C1orf21: variants seen among roughly 807,000 people sequenced by gnomAD.
The protein encoded by C1orf21 is uncharacterized protein C1orf21.
In C1orf21, 3 loss-of-function variants were observed where a neutral mutation model predicts 18.7. The ratio of observed to expected loss-of-function variants is 0.16; its 90% CI spans 0.07 to 0.42. The LOEUF is 0.42. C1orf21 is among the 10% of genes least tolerant of loss of function. C1orf21 has a pLI of 0.99. For missense variants in C1orf21, 104 were observed against 143.6 expected (o/e 0.72, Z 1.41); for synonymous variants, 41 against 46.4 (o/e 0.88, Z 0.47).
chr1:184,477,099 C>T (rs1657582847), intron 1 of C1orf21, among the ~76,000 whole-genome samples: 1 of 152,064 alleles, frequency 6.6e-6, no homozygotes, highest in Admixed American at 6.6e-5. Flanking sequence ...CAGTAGTGCC[C>T]AAATACGTAT....
intron 3 of C1orf21, among the ~76,000 whole-genome samples, chr1:184,558,252 TAA>T (rs1348438081): frequency 1.3e-5 from 2 of 152,188 alleles, no homozygotes; most frequent in Non-Finnish European, 2.9e-5. Flanking sequence ...AACTCACCAA[TAA>T]GCTTCTACCA....
At chr1:184,440,093 T>C (rs1390634716) in intron 1 of C1orf21, among the ~76,000 whole-genome samples, 1 of 152,162 alleles carries the variant, frequency 6.6e-6, no homozygotes, top group African/African-American at 2.4e-5. Flanking sequence ...TAAATGATGG[T>C]TGGGAAAGGG....
At chr1:184,548,765 A>G (rs1658768879) in intron 3 of C1orf21, among the ~76,000 whole-genome samples, 1 of 152,172 alleles carries the variant, frequency 6.6e-6, no homozygotes, top group African/African-American at 2.4e-5. Flanking sequence ...ATGACACCCT[A>G]ATTGTGAATG....
At chr1:184,567,196 G>A in intron 3 of C1orf21, 1 of 471,908 alleles carries the variant, frequency 2.1e-6, no homozygotes, top group Non-Finnish European at 4.3e-6. Context: ...ATAGCCTAAG[G>A]CACACAATGG....
intron 1 of C1orf21, among the ~76,000 whole-genome samples, chr1:184,426,706 T>C (rs1656643130): frequency 6.6e-6 from 1 of 152,196 alleles, no homozygotes; most frequent in African/African-American, 2.4e-5. Flanking sequence ...TTCTGAATGC[T>C]GATAATTATT....
chr1:184,406,630 A>G (rs917896726), intron 1 of C1orf21, among the ~76,000 whole-genome samples: 1 of 152,208 alleles, frequency 6.6e-6, no homozygotes, highest in Admixed American at 6.5e-5. Flanking sequence ...AGGGCTATTC[A>G]GGAAGGACTG....
chr1:184,497,012 A>C (rs1390672960), intron 2 of C1orf21, among the ~76,000 whole-genome samples: 1 of 152,178 alleles, frequency 6.6e-6, no homozygotes, highest in Non-Finnish European at 1.5e-5. Context: ...CATCAGCTCT[A>C]TGTCCTCAGG....
intron 3 of C1orf21, among the ~76,000 whole-genome samples, chr1:184,514,801 A>T (rs1225740586): frequency 6.6e-6 from 1 of 152,256 alleles, no homozygotes; most frequent in Non-Finnish European, 1.5e-5. Context: ...AATGAGTTAG[A>T]ATTCTATGAG....
intron 1 of C1orf21, among the ~76,000 whole-genome samples, chr1:184,429,652 C>T (rs576879491): frequency 1.3e-5 from 2 of 152,106 alleles, no homozygotes; most frequent in South Asian, 2.1e-4. Context: ...TGAAATGTTC[C>T]AGCAGCTTAG....
intron 3 of C1orf21, among the ~76,000 whole-genome samples, chr1:184,556,921 T>C (rs1658887225): frequency 6.6e-6 from 1 of 152,224 alleles, no homozygotes; most frequent in Admixed American, 6.5e-5. Flanking sequence ...ATCACAAGAC[T>C]TAACTAACCT....
intron 1 of C1orf21, among the ~76,000 whole-genome samples, chr1:184,428,021 C>A (rs1656669032): frequency 1.3e-5 from 2 of 152,150 alleles, no homozygotes; most frequent in Non-Finnish European, 2.9e-5. Context: ...AGCTGTACAA[C>A]CTTGGGCAAG....
At chr1:184,556,264 G>C (rs777793843) in intron 3 of C1orf21, among the ~76,000 whole-genome samples, 5 of 152,190 alleles carry the variant, frequency 3.3e-5, no homozygotes, top group Non-Finnish European at 7.3e-5. Flanking sequence ...TTTTAGAAAA[G>C]GAACCTGCAG....
At chr1:184,416,378 G>A (rs528836838) in intron 1 of C1orf21, among the ~76,000 whole-genome samples, 1 of 152,050 alleles carries the variant, frequency 6.6e-6, no homozygotes, top group Non-Finnish European at 1.5e-5. Flanking sequence ...AATGTTAGAA[G>A]GCAGTTGACA....
Position 184,588,413 on chromosome 1 carries a change from G to C in C1orf21, c.190-2326G>C, listed in dbSNP as rs190623218. On this transcript the variant is annotated intron_variant, in intron 3 of 5. Transcript: ENST00000235307. ...GTACAATGAAATGTGTCAAAATTTG[G>C]AGATTATAGGTAAAAGGGTCTTGAC... 5.9e-5 allele frequency among the ~76,000 whole-genome samples: 9 copies of C among 152,276 alleles called. No individual in the cohort carries two copies. In the East Asian group the frequency reaches 1.7e-3, roughly 29 times the overall value.
At chr1:184,523,142 A>C (rs183549128) in intron 3 of C1orf21, among the ~76,000 whole-genome samples, 1 of 152,358 alleles carries the variant, frequency 6.6e-6, no homozygotes, top group Admixed American at 6.5e-5. Context: ...AGGAGGTGGA[A>C]CATTACTTCT....
At chr1:184,496,890 T>C (rs1307360387) in intron 2 of C1orf21, among the ~76,000 whole-genome samples, 5 of 152,238 alleles carry the variant, frequency 3.3e-5, no homozygotes, top group Admixed American at 6.5e-5. Flanking sequence ...TGCACATCTT[T>C]TTTGAGAAAG....
intron 1 of C1orf21, among the ~76,000 whole-genome samples, chr1:184,390,683 C>A (rs996533416): frequency 7.2e-5 from 11 of 152,220 alleles, no homozygotes; most frequent in South Asian, 4.1e-4. Context: ...ACACAATGTA[C>A]GTGGTGGGTA....
intron 3 of C1orf21, among the ~76,000 whole-genome samples, chr1:184,513,725 T>C (rs1658185153): frequency 6.6e-6 from 1 of 152,234 alleles, no homozygotes; most frequent in South Asian, 2.1e-4. Flanking sequence ...TGTAATTTAG[T>C]TAGATAATAT....
chr1:184,563,186 A>G (rs1019923386), intron 3 of C1orf21, among the ~76,000 whole-genome samples: 1 of 152,214 alleles, frequency 6.6e-6, no homozygotes, highest in Non-Finnish European at 1.5e-5. Context: ...ACCATCATCA[A>G]TAATGCTCTA....
Sources: allele counts gnomAD v4.1 joint callset (sites outside exome capture counted in the v4.1 genomes callset), GRCh38; gene constraint gnomAD v4.1.1; transcripts MANE v1.5; gene names NCBI Gene and HGNC (gene_info 2026-07-23, HGNC 2026-07-21).